Variants in DYNC2I1 observed in about 807,000 individuals in gnomAD.
DYNC2I1 encodes cytoplasmic dynein 2 intermediate chain 1.
DYNC2I1 carries 89 observed loss-of-function variants against 133.4 expected under a neutral mutation model. The observed-to-expected ratio is 0.67, with a 90% CI of 0.56 to 0.80. The LOEUF is 0.80. Among genes scored for constraint, DYNC2I1 ranks in the 30% least tolerant of loss-of-function variants. The probability of loss-of-function intolerance (pLI) is 0.00; values close to 1 mark genes in which losing one functional copy is unlikely to be tolerated. For missense variants in DYNC2I1, 1,291 were observed against 1,314.5 expected (o/e 0.98, Z 0.28); for synonymous variants, 504 against 484.3 (o/e 1.04, Z -0.54).
At chr7:158,886,562 A>G (rs2129480627) in intron 6 of DYNC2I1, among the ~76,000 whole-genome samples, 1 of 152,324 alleles carries the variant, frequency 6.6e-6, no homozygotes, top group Admixed American at 6.5e-5. Flanking sequence ...TTTAACATTT[A>G]TTGCTCTAAT....
intron 4 of DYNC2I1, among the ~76,000 whole-genome samples, chr7:158,953,971 G>T (rs1420024784): frequency 6.6e-6 from 1 of 152,082 alleles, no homozygotes; most frequent in Admixed American, 6.6e-5. Flanking sequence ...ATGTCATCTT[G>T]CAGCGTATCT....
chr7:158,930,664 A>T (rs1239579091), intron 21 of DYNC2I1, 149 bp downstream of exon 21: 4 of 695,192 alleles, frequency 5.8e-6, no homozygotes, highest in African/African-American at 5.5e-5. Flanking sequence ...TTAGTCTATT[A>T]TTTTTATTTT....
At chr7:158,928,542 C>T (rs1041764523) in intron 20 of DYNC2I1, among the ~76,000 whole-genome samples, 10 of 152,194 alleles carry the variant, frequency 6.6e-5, no homozygotes, top group Non-Finnish European at 1.2e-4. Context: ...ATAAGACAGT[C>T]GTGGTGCTCA....
chr7:158,900,999 A>G lies in DYNC2I1; in HGVS notation c.1060-740A>G, dbSNP rs369005380. The stretch of plus-strand genomic sequence containing the variant: ...ATTAGAGCTCTTAGGATGTCCTCAT[A>G]GTTGTTTTAAGTTCCTGTTCTGATA... On this transcript the variant is annotated intron_variant, in intron 8 of 24. Transcript: ENST00000407559. 2.2e-4 allele frequency among the ~76,000 whole-genome samples: 34 copies of G among 152,202 alleles called. No homozygotes were observed. The East Asian group carries it at 5.4e-3, about 24-fold the overall frequency.
chr7:158,913,287 A>G (rs1283804824), intron 13 of DYNC2I1, among the ~76,000 whole-genome samples, 191 bp downstream of exon 13: 3 of 152,212 alleles, frequency 2.0e-5, no homozygotes, highest in African/African-American at 7.2e-5. Flanking sequence ...CTGCTGAACT[A>G]CAAGTGGGAG....
At chr7:158,884,414 T>G (rs544366427) in intron 5 of DYNC2I1, 150 bp from the exon 6 acceptor site, 1 of 586,402 alleles carries the variant, frequency 1.7e-6, no homozygotes, top group African/African-American at 2.0e-5. Flanking sequence ...TAAAAATAAC[T>G]GGTAAAAATA....
intron 1 of DYNC2I1, among the ~76,000 whole-genome samples, chr7:158,858,427 G>C (rs1398194674): frequency 6.6e-6 from 1 of 151,990 alleles, no homozygotes; most frequent in Non-Finnish European, 1.5e-5. Context: ...GGGTCAAAGG[G>C]GTCATCTTTT....
At chr7:158,847,155 C>A in the DYNC2I1 span, among the ~76,000 whole-genome samples, 1 of 152,048 alleles carries the variant, frequency 6.6e-6, no homozygotes, top group Non-Finnish European at 1.5e-5. Flanking sequence ...AATTTAATCT[C>A]AAAATTCTGT....
chr7:158,945,944 A>G lies in DYNC2I1; in HGVS notation c.*165A>G. 1.6e-6 allele frequency: 1 copy of G among 644,142 alleles called. No homozygotes were observed. The highest frequency in any genetic ancestry group is 3.8e-5 in the Admixed American group (1 of 26,208). The allele number at this position is 644,142 out of a possible 1,614,324, so 39.9% of individuals were successfully genotyped here. A position where few individuals can be genotyped will look rare whatever the true frequency, so the allele number is the denominator to read the frequency against. On this transcript the variant is annotated 3_prime_UTR_variant, in exon 25 of 25. Coordinates refer to ENST00000407559, the MANE Select transcript of DYNC2I1 (RefSeq NM_018051.5). This position sits in a 1 kb window ranked among gnomAD's most constrained non-coding sequence, Gnocchi z 4.1. Reference sequence around the variant, plus strand: ...TGTCTTTGGTATTCCCAGTAAATAGATGACTACTTTTGAGTGGAAACAAAG... The same window carrying G: ...TGTCTTTGGTATTCCCAGTAAATAGGTGACTACTTTTGAGTGGAAACAAAG...
intron 18 of DYNC2I1, 25 bp downstream of exon 18, chr7:158,926,325 A>C: frequency 6.2e-7 from 1 of 1,604,522 alleles, no homozygotes; most frequent in Non-Finnish European, 8.5e-7. Flanking sequence ...ACTTTCTTAA[A>C]ATCCTTCATC....
At chr7:158,954,453 T>G (rs1045712716) in intron 4 of DYNC2I1, among the ~76,000 whole-genome samples, 2 of 152,188 alleles carry the variant, frequency 1.3e-5, no homozygotes, top group Admixed American at 1.3e-4. Flanking sequence ...AAGACCAGCC[T>G]TTTGGGAAAC....
At chr7:158,863,455 G>T (rs902839698) in intron 1 of DYNC2I1, among the ~76,000 whole-genome samples, 1 of 151,976 alleles carries the variant, frequency 6.6e-6, no homozygotes, top group Non-Finnish European at 1.5e-5. Flanking sequence ...CTGGGTGACA[G>T]AATGAGACTC....
At chr7:158,910,888 C>T (rs563705066) in intron 11 of DYNC2I1, among the ~76,000 whole-genome samples, 1 of 138,006 alleles carries the variant, frequency 7.2e-6, no homozygotes, top group Non-Finnish European at 1.5e-5. Flanking sequence ...GGCCTGTGAG[C>T]GAGGAGCGTT....
intron 23 of DYNC2I1, among the ~76,000 whole-genome samples, chr7:158,937,622 G>GAAAAAAA (rs71189438): frequency 0.46 from 49,309 of 108,266 alleles, 13,106 homozygotes; most frequent in Non-Finnish European, 0.55. Context: ...ACTGTCTCAA[G>GAAAAAAA]AAAAAAAAAA....
the DYNC2I1 span, among the ~76,000 whole-genome samples, chr7:158,850,291 C>T: frequency 1.2e-3 from 180 of 152,318 alleles, no homozygotes; most frequent in African/African-American, 4.1e-3. Context: ...GTGGGAGGCC[C>T]AGGTCTACAG....
downstream of DYNC2I1, among the ~76,000 whole-genome samples, chr7:158,946,405 G>C (rs1252549547): frequency 6.6e-6 from 1 of 152,240 alleles, no homozygotes; most frequent in Non-Finnish European, 1.5e-5. Flanking sequence ...GGGCTGGGTA[G>C]TTTATCAGCA....
At chr7:158,865,149 G>C (rs551908961) in intron 1 of DYNC2I1, among the ~76,000 whole-genome samples, 1 of 152,344 alleles carries the variant, frequency 6.6e-6, no homozygotes, top group Non-Finnish European at 1.5e-5. Flanking sequence ...TGTCCTCCCT[G>C]AAGTGAGGTT....
At chr7:158,940,871 C>G (rs1358678180) in intron 23 of DYNC2I1, among the ~76,000 whole-genome samples, 1 of 152,034 alleles carries the variant, frequency 6.6e-6, no homozygotes, top group Non-Finnish European at 1.5e-5. Context: ...ATGCCTACAT[C>G]TAAAAAAGTA....
At position 158,888,619 on chromosome 7, in the gene DYNC2I1, G is replaced by A. The variant is rs1329032603; in HGVS notation, c.990+1544G>A. Among the ~76,000 whole-genome samples, 9 of 152,068 alleles carry A rather than the reference G, an allele frequency of 5.9e-5. No individual in the cohort carries two copies. The East Asian group carries it at 1.2e-3, about 20-fold the overall frequency. On this transcript the variant is annotated intron_variant, in intron 7 of 24. Transcript: ENST00000407559. ...TGAATAGCTGGGATCACAGGCATGC[G>A]CCACCACACCCAGCTAATTTTTGTA...
Sources: allele counts gnomAD v4.1 joint callset (sites outside exome capture counted in the v4.1 genomes callset), GRCh38; gene constraint gnomAD v4.1.1; non-coding constraint Gnocchi (gnomAD v3.1); transcripts MANE v1.5; gene names NCBI Gene and HGNC (gene_info 2026-07-23, HGNC 2026-07-21).